The following DPP6 variants were observed in gnomAD, a reference collection of about 807,000 sequenced individuals.
DPP6 encodes the protein dipeptidyl peptidase like 6, also known as A-type potassium channel modulatory protein DPP6.
Under a neutral mutation model 122.6 loss-of-function variants are expected in DPP6, and 69 were observed. The ratio of observed to expected loss-of-function variants is 0.56; its 90% CI spans 0.46 to 0.69. DPP6 has a LOEUF of 0.69. Ranked by LOEUF, DPP6 falls within the 30% of genes least tolerant of loss-of-function variation. DPP6 has a pLI of 0.00. For missense variants in DPP6, 928 were observed against 1,116.9 expected (o/e 0.83, Z 2.41); for synonymous variants, 418 against 433.1 (o/e 0.97, Z 0.43).
At chr7:153,783,031 G>A in the DPP6 span, among the ~76,000 whole-genome samples, 1 of 152,136 alleles carries the variant, frequency 6.6e-6, no homozygotes, top group Non-Finnish European at 1.5e-5. Context: ...GTTAAGGGAT[G>A]GTTTATCTTT....
chr7:153,992,807 T>A (rs1210178356), intron 1 of DPP6, among the ~76,000 whole-genome samples: 3 of 152,230 alleles, frequency 2.0e-5, no homozygotes, highest in Non-Finnish European at 4.4e-5. Flanking sequence ...CGTTTTTGTT[T>A]CCTTGCTTCT....
chr7:153,857,317 AGG>A, the DPP6 span, among the ~76,000 whole-genome samples: 3 of 61,354 alleles, frequency 4.9e-5, no homozygotes, highest in African/African-American at 2.0e-4. Flanking sequence ...TAGAACTCAA[AGG>A]TTTTCTCTCT....
the DPP6 span, among the ~76,000 whole-genome samples, chr7:153,875,262 G>A: frequency 6.6e-6 from 1 of 152,218 alleles, no homozygotes; most frequent in East Asian, 1.9e-4. Context: ...ATGCTCTAAA[G>A]TTCTTCTTCA....
intron 1 of DPP6, among the ~76,000 whole-genome samples, chr7:154,104,825 G>T (rs955637025): frequency 4.6e-5 from 7 of 152,344 alleles, no homozygotes; most frequent in Middle Eastern, 3.4e-3. Flanking sequence ...AACACTCAGT[G>T]TAAGATCAGG....
In DPP6 at chr7:154,052,640, C is replaced by G. The variant is rs1482850493; in HGVS notation, c.-181C>G. On this transcript the variant is annotated 5_prime_UTR_variant, in exon 1 of 26. Transcript: ENST00000377770. This position sits in a 1 kb window ranked among gnomAD's most constrained non-coding sequence, Gnocchi z 4.8. Reference sequence around the variant, plus strand: ...AGCCAGGCAGAGTCGCCAGCGGAGACTCGCGAGTGGCGCGCGGGAGGAGCG... The same window carrying G: ...AGCCAGGCAGAGTCGCCAGCGGAGAGTCGCGAGTGGCGCGCGGGAGGAGCG... 7.9e-7 allele frequency: 1 copy of G among 1,266,610 alleles called. No individual in the cohort carries two copies. The highest frequency in any genetic ancestry group is 1.0e-6 in the Non-Finnish European group (1 of 996,620). The allele number at this position is 1,266,610 out of a possible 1,614,324, so 78.5% of individuals were successfully genotyped here. A position where few individuals can be genotyped will look rare whatever the true frequency, so the allele number is the denominator to read the frequency against.
chr7:153,925,935 G>A (rs1477223505), intron 1 of DPP6, among the ~76,000 whole-genome samples: 2 of 152,190 alleles, frequency 1.3e-5, no homozygotes, highest in Non-Finnish European at 2.9e-5. Flanking sequence ...GGCATGAGGA[G>A]GGTGAGGGTG....
chr7:153,840,679 C>T, the DPP6 span, among the ~76,000 whole-genome samples: 10 of 152,144 alleles, frequency 6.6e-5, no homozygotes, highest in Admixed American at 5.2e-4. Context: ...TGTCGGGAAA[C>T]CATCTGGATA....
chr7:154,852,452 G>A (rs1219735108), intron 16 of DPP6, among the ~76,000 whole-genome samples: 1 of 111,024 alleles, frequency 9.0e-6, no homozygotes, highest in Admixed American at 9.3e-5. Flanking sequence ...ATCCACCTGA[G>A]CCAAAGGGAC....
At chr7:153,887,376 C>T (rs1798975891) in exon 1 of DPP6, 2 of 254,410 alleles carry the variant, frequency 7.9e-6, no homozygotes, top group East Asian at 7.5e-5. Flanking sequence ...GGGCTCGCAG[C>T]CTCTTCCTCC....
chr7:154,703,582 G>A (rs1213974007), intron 7 of DPP6, among the ~76,000 whole-genome samples: 5 of 149,764 alleles, frequency 3.3e-5, no homozygotes, highest in African/African-American at 1.2e-4. Flanking sequence ...TCATGCCATG[G>A]CACTCCAGCC....
intron 10 of DPP6, among the ~76,000 whole-genome samples, chr7:154,790,358 A>T (rs1284336381): frequency 6.6e-6 from 1 of 152,216 alleles, no homozygotes. Flanking sequence ...AAGCTTTATG[A>T]TAAATGGCAA....
chr7:154,503,274 G>T (rs1365746470), intron 3 of DPP6, among the ~76,000 whole-genome samples: 1 of 152,178 alleles, frequency 6.6e-6, no homozygotes, highest in African/African-American at 2.4e-5. Context: ...ATCTTCACTT[G>T]CCAGGCCAGG....
At chr7:154,437,217 A>G (rs1378255723) in intron 1 of DPP6, among the ~76,000 whole-genome samples, 1 of 152,204 alleles carries the variant, frequency 6.6e-6, no homozygotes, top group Non-Finnish European at 1.5e-5. Flanking sequence ...TTGTTTTTCC[A>G]TTATACTGGA....
At chr7:153,864,215 C>T in the DPP6 span, among the ~76,000 whole-genome samples, 127 of 152,236 alleles carry the variant, frequency 8.3e-4, no homozygotes, top group African/African-American at 2.6e-3. Context: ...TGTATGGGTT[C>T]GAATTTCTCC....
chr7:154,195,093 C>G (rs1369436961), intron 1 of DPP6, among the ~76,000 whole-genome samples: 1 of 151,936 alleles, frequency 6.6e-6, no homozygotes, highest in Non-Finnish European at 1.5e-5. Flanking sequence ...TCTCTTCTAT[C>G]TTTTTTTTCT....
chr7:154,146,725 T>A (rs1331547159), intron 1 of DPP6, among the ~76,000 whole-genome samples: 1 of 152,264 alleles, frequency 6.6e-6, no homozygotes, highest in Non-Finnish European at 1.5e-5. Flanking sequence ...AGAAGGCACT[T>A]GTGTCGGAGA....
chr7:154,321,559 G>A (rs1025790856), intron 1 of DPP6, among the ~76,000 whole-genome samples: 2 of 151,886 alleles, frequency 1.3e-5, no homozygotes, highest in South Asian at 2.1e-4. Context: ...TGAGGCGGGC[G>A]GATCACAAGG....
chr7:153,930,598 T>C (rs1035485707), intron 1 of DPP6, among the ~76,000 whole-genome samples: 1 of 152,208 alleles, frequency 6.6e-6, no homozygotes, highest in Non-Finnish European at 1.5e-5. Flanking sequence ...TTAATAACAA[T>C]GTTTTGTATT....
At chr7:154,702,178 G>T (rs761018413) in intron 7 of DPP6, among the ~76,000 whole-genome samples, 2 of 152,218 alleles carry the variant, frequency 1.3e-5, no homozygotes, top group Non-Finnish European at 2.9e-5. Context: ...AATAAACATT[G>T]TGTGTTCTGA....
Sources: gnomAD v4.1 joint callset for allele counts (sites outside exome capture counted in the v4.1 genomes callset) on GRCh38, gnomAD v4.1.1 for gene constraint, Gnocchi (gnomAD v3.1) non-coding constraint, MANE v1.5 for transcripts, NCBI Gene and HGNC (gene_info 2026-07-23, HGNC 2026-07-21) for gene names.